Variants in LRP1B observed in about 807,000 individuals in gnomAD.
LRP1B encodes LDL receptor related protein 1B.
LRP1B carries 217 observed loss-of-function variants against 556.6 expected under a neutral mutation model. The ratio of observed to expected loss-of-function variants is 0.39; its 90% CI spans 0.35 to 0.44. LRP1B has a LOEUF of 0.44. LRP1B is among the 20% of genes least tolerant of loss of function. LRP1B has a pLI of 1.00. For synonymous variants in LRP1B, 2,047 were observed against 1,865.8 expected (o/e 1.10, Z -2.50); for missense variants, 5,053 against 5,620.8 (o/e 0.90, Z 3.23).
chr2:140,896,717 T>C (rs1031895132), intron 23 of LRP1B, among the ~76,000 whole-genome samples: 1 of 152,124 alleles, frequency 6.6e-6, no homozygotes. Context: ...CTGGGCTCAA[T>C]AGATCCTCCT....
intron 2 of LRP1B, among the ~76,000 whole-genome samples, chr2:141,664,765 A>G (rs1690359303): frequency 6.6e-6 from 1 of 152,186 alleles, no homozygotes; most frequent in Non-Finnish European, 1.5e-5. Flanking sequence ...ATGTTGTGAA[A>G]ATGGCCACAC....
At chr2:140,831,853 C>A (rs1250601441) in intron 31 of LRP1B, among the ~76,000 whole-genome samples, 1 of 151,900 alleles carries the variant, frequency 6.6e-6, no homozygotes, top group Non-Finnish European at 1.5e-5. Context: ...TTAAAATGGG[C>A]AAAAGATCTG....
chr2:141,764,658 CTG>C (rs2105602180), intron 2 of LRP1B, among the ~76,000 whole-genome samples: 1 of 151,866 alleles, frequency 6.6e-6, no homozygotes, highest in South Asian at 2.1e-4. Flanking sequence ...GCTTCTAAAA[CTG>C]TGAGACAATA....
Position 142,045,921 on chromosome 2 carries a change from A to C in LRP1B, c.82+84727T>G, listed in dbSNP as rs369204000. Among the ~76,000 whole-genome samples, 49 of 152,046 alleles carry C rather than the reference A, an allele frequency of 3.2e-4. No homozygotes were observed. In the East Asian group the frequency reaches 7.6e-3, roughly 24 times the overall value. ...TGTTGGCATTCATTATGTGAATGCT[A>C]ATAGAATATGCTTCTGCTTTGAAAA... On this transcript the variant is annotated intron_variant, in intron 1 of 90. Transcript: ENST00000389484.
chr2:140,435,017 C>T (rs1453393325), intron 66 of LRP1B, among the ~76,000 whole-genome samples: 2 of 151,962 alleles, frequency 1.3e-5, no homozygotes, highest in African/African-American at 2.4e-5. Context: ...TTTTTGATCA[C>T]TAACACAAAG....
chr2:141,980,708 G>A lies in LRP1B; in HGVS notation c.82+149940C>T, dbSNP rs562980370. On this transcript the variant is annotated intron_variant, in intron 1 of 90. Coordinates refer to ENST00000389484, the MANE Select transcript of LRP1B (RefSeq NM_018557.3). Reference sequence around the variant, plus strand: ...GAAATATTTCCCTGCACTGTCCAATGTGGAAGTTACTTGCCACATGTGGCT... The same window carrying A: ...GAAATATTTCCCTGCACTGTCCAATATGGAAGTTACTTGCCACATGTGGCT... Among the ~76,000 whole-genome samples, 3 of 152,238 alleles carry A rather than the reference G, an allele frequency of 2.0e-5. No homozygotes were observed. The South Asian group carries it at 6.2e-4, about 32-fold the overall frequency.
At chr2:140,288,621 A>T (rs184161980) in intron 84 of LRP1B, among the ~76,000 whole-genome samples, 1 of 151,988 alleles carries the variant, frequency 6.6e-6, no homozygotes, top group East Asian at 1.9e-4. Flanking sequence ...CATTGTTTTA[A>T]GTACTCAATT....
At chr2:141,591,829 C>T (rs989241650) in intron 2 of LRP1B, among the ~76,000 whole-genome samples, 1 of 149,862 alleles carries the variant, frequency 6.7e-6, no homozygotes, top group African/African-American at 2.5e-5. Flanking sequence ...GCATTTGGGA[C>T]ACAATAGCCA....
intron 2 of LRP1B, among the ~76,000 whole-genome samples, chr2:141,579,755 A>G (rs1049505268): frequency 5.0e-5 from 4 of 79,864 alleles, no homozygotes; most frequent in African/African-American, 2.8e-4. Context: ...GACGGAGTGC[A>G]GTGGCGTGAT....
chr2:140,633,781 T>C (rs902950371), intron 41 of LRP1B, among the ~76,000 whole-genome samples: 3 of 152,080 alleles, frequency 2.0e-5, no homozygotes, highest in Non-Finnish European at 4.4e-5. Flanking sequence ...GAAATATGAA[T>C]AACCTATTAA....
chr2:140,938,551 T>A (rs1478044969), intron 20 of LRP1B, among the ~76,000 whole-genome samples: 1 of 152,054 alleles, frequency 6.6e-6, no homozygotes, highest in Non-Finnish European at 1.5e-5. Flanking sequence ...ATTTAAATGT[T>A]AGTTCACAGA....
intron 3 of LRP1B, among the ~76,000 whole-genome samples, chr2:141,284,412 G>A (rs575738178): frequency 6.6e-6 from 1 of 152,268 alleles, no homozygotes; most frequent in East Asian, 1.9e-4. Context: ...TTGGAAATAC[G>A]TATAGGATGT....
At chr2:141,736,573 C>T (rs749026304) in intron 2 of LRP1B, among the ~76,000 whole-genome samples, 2 of 152,036 alleles carry the variant, frequency 1.3e-5, no homozygotes, top group African/African-American at 2.4e-5. Flanking sequence ...CTTGGGGCTA[C>T]CAGAACAGTG....
chr2:140,453,497 A>G (rs1686965070), intron 62 of LRP1B, among the ~76,000 whole-genome samples: 1 of 152,050 alleles, frequency 6.6e-6, no homozygotes, highest in Non-Finnish European at 1.5e-5. Context: ...AATAAACTGT[A>G]GACTGTAATT....
At chr2:140,599,316 G>A (rs1171790085) in intron 42 of LRP1B, among the ~76,000 whole-genome samples, 3 of 151,886 alleles carry the variant, frequency 2.0e-5, no homozygotes, top group East Asian at 1.9e-4. Context: ...CTTCTCTTTT[G>A]TATATGTTTT....
intron 3 of LRP1B, among the ~76,000 whole-genome samples, chr2:141,415,862 C>G (rs147911162): frequency 5.9e-5 from 9 of 152,206 alleles, no homozygotes; most frequent in African/African-American, 1.9e-4. Context: ...GGTGCTAAAA[C>G]TATTAACATC....
Position 140,650,418 on chromosome 2 carries a change from G to A in LRP1B, c.6800-48779C>T, listed in dbSNP as rs913503198. On this transcript the variant is annotated intron_variant, in intron 41 of 90. Coordinates refer to ENST00000389484, the MANE Select transcript of LRP1B (RefSeq NM_018557.3). ...GGCTGGAGTGCAGTGGCACAATCTC[G>A]GCTCACTGCAACCTCCGCTTTCTGG... 7.3e-5 allele frequency among the ~76,000 whole-genome samples: 11 copies of A among 151,282 alleles called. No homozygotes were observed. The Middle Eastern group carries it at 0.014, about 190-fold the overall frequency.
At chr2:140,327,496 T>C (rs989569599) in intron 79 of LRP1B, among the ~76,000 whole-genome samples, 1 of 152,080 alleles carries the variant, frequency 6.6e-6, no homozygotes, top group African/African-American at 2.4e-5. Context: ...TGCATTTTCA[T>C]GTAGAATTAT....
chr2:141,461,574 TC>T (rs1335751655), intron 3 of LRP1B, among the ~76,000 whole-genome samples: 1 of 152,132 alleles, frequency 6.6e-6, no homozygotes, highest in Non-Finnish European at 1.5e-5. Context: ...CATTTGGATA[TC>T]CCCAGAACAA....
Sources: allele counts gnomAD v4.1 joint callset (sites outside exome capture counted in the v4.1 genomes callset), GRCh38; gene constraint gnomAD v4.1.1; transcripts MANE v1.5; gene names NCBI Gene and HGNC (gene_info 2026-07-23, HGNC 2026-07-21).